PRDM16: variants seen among roughly 807,000 people sequenced by gnomAD.
PRDM16 encodes the protein histone-lysine N-methyltransferase PRDM16.
In PRDM16, 23 loss-of-function variants were observed where a neutral mutation model predicts 110.6. That is an observed-to-expected ratio of 0.21 (90% confidence interval 0.15 to 0.29). PRDM16 has a LOEUF of 0.29. PRDM16 is among the 10% of genes least tolerant of loss of function. The pLI is 1.00. For synonymous variants in PRDM16, 799 were observed against 781.8 expected, an observed-to-expected ratio of 1.02 and a Z score of -0.37; for missense variants, 1,615 against 1,794.3, an observed-to-expected ratio of 0.90 and a Z score of 1.81.
chr1:3,338,082 C>T (rs114254884), intron 3 of PRDM16, among the ~76,000 whole-genome samples: 1,534 of 152,324 alleles, frequency 0.01, 16 homozygotes, highest in African/African-American at 0.034. Flanking sequence ...CATGCACACA[C>T]GTGTGCACAC....
intron 3 of PRDM16, among the ~76,000 whole-genome samples, chr1:3,272,237 G>T (rs72632136): frequency 6.6e-6 from 1 of 152,224 alleles, no homozygotes; most frequent in African/African-American, 2.4e-5. Context: ...GGGGACAGGC[G>T]TGTGGTGAGA....
intron 3 of PRDM16, among the ~76,000 whole-genome samples, chr1:3,376,858 C>A (rs932731433): frequency 1.1e-4 from 17 of 152,108 alleles, no homozygotes; most frequent in African/African-American, 3.4e-4. Flanking sequence ...TGGTGTGGCC[C>A]CATCCCACCA....
At position 3,390,194 on chromosome 1, in the gene PRDM16, GCTTT is replaced by G. The variant is rs1643274983; in HGVS notation, c.573+4911_573+4914del. Among the ~76,000 whole-genome samples the G allele has an allele frequency of 6.6e-6, 1 of 152,294 alleles. No homozygotes were observed. Among genetic ancestry groups the G allele is most frequent in the East Asian group, 1.9e-4 (1 of 5,174 alleles). On this transcript the variant is annotated intron_variant, in intron 4 of 16. Coordinates refer to ENST00000270722, the MANE Select transcript of PRDM16 (RefSeq NM_022114.4). The surrounding 1 kb of genome is among the most constrained non-coding windows in gnomAD (Gnocchi z 5.0). ...GCAGGGAGGAGCTGTCACAGCCGGC[GCTTT>G]CTGTTTTTTGGTTTATCTTTTTCTC...
Position 3,209,397 on chromosome 1 carries a change from C to T in PRDM16, c.387+22923C>T, listed in dbSNP as rs56154627. 0.052 allele frequency among the ~76,000 whole-genome samples: 7,877 copies of T among 152,266 alleles called. 286 individuals carry two copies. Among genetic ancestry groups the T allele is most frequent in the Non-Finnish European group, 0.073 (4,962 of 68,010 alleles). ...CACACCTGCCCCGAGTCACCTGGGA[C>T]GGACTGCAGCCAGCCAGCTCTCCCT... On this transcript the variant is annotated intron_variant, in intron 2 of 16. Coordinates refer to ENST00000270722, the MANE Select transcript of PRDM16 (RefSeq NM_022114.4). This position sits in a 1 kb window ranked among gnomAD's most constrained non-coding sequence, Gnocchi z 4.6.
intron 3 of PRDM16, among the ~76,000 whole-genome samples, chr1:3,318,802 G>A (rs1396141986): frequency 4.6e-5 from 7 of 152,150 alleles, no homozygotes; most frequent in Non-Finnish European, 1.0e-4. Context: ...AAAAAGGAGG[G>A]CTTTTCCCCC....
chr1:3,106,254 C>A (rs576539386), intron 1 of PRDM16, among the ~76,000 whole-genome samples: 1 of 152,322 alleles, frequency 6.6e-6, no homozygotes, highest in South Asian at 2.1e-4. Context: ...GCAGGCAGTT[C>A]TTTGGATGCG....
At chr1:3,274,298 A>G (rs1640533040) in intron 3 of PRDM16, among the ~76,000 whole-genome samples, 1 of 152,192 alleles carries the variant, frequency 6.6e-6, no homozygotes, top group Non-Finnish European at 1.5e-5. Flanking sequence ...GCCTCCATTA[A>G]TCTTGGGTTA....
intron 3 of PRDM16, among the ~76,000 whole-genome samples, chr1:3,252,754 C>T (rs1027524204): frequency 3.3e-5 from 5 of 152,220 alleles, no homozygotes; most frequent in African/African-American, 7.2e-5. Flanking sequence ...CCCACAGCTG[C>T]GTGGACCGTG....
Position 3,411,498 on chromosome 1 carries a change from C to T in PRDM16, c.1301C>T (p.Thr434Ile). Residue 434 changes from threonine to isoleucine, a missense_variant, in exon 9 of 17, where the codon ACT (threonine) becomes ATT (isoleucine). This residue lies in a region of PRDM16 where 772 missense variants were observed against 748.3 expected (regional missense o/e 1.03). Coordinates refer to ENST00000270722, the MANE Select transcript of PRDM16 (RefSeq NM_022114.4). The part of the protein sequence containing the change: ...KCKDCGQMFS[T>I]TSSLNKHRRF... ...AAGGACTGTGGCCAGATGTTCAGCA[C>T]TACCTCCTCCCTCAACAAGCACCGG... 1 of 1,614,228 alleles carries T rather than the reference C, an allele frequency of 6.2e-7. No homozygotes were observed. The highest frequency in any genetic ancestry group is 1.1e-5 in the South Asian group (1 of 91,088).
At chr1:3,122,181 G>T (rs2100664332) in intron 1 of PRDM16, among the ~76,000 whole-genome samples, 1 of 152,256 alleles carries the variant, frequency 6.6e-6, no homozygotes, top group South Asian at 2.1e-4. Context: ...GGAAGCTTCC[G>T]CCTGCGCACT....
chr1:3,421,467 G>A (rs1377243142), intron 12 of PRDM16, among the ~76,000 whole-genome samples: 4 of 152,172 alleles, frequency 2.6e-5, no homozygotes, highest in Admixed American at 1.3e-4. Context: ...TTCACTGGCC[G>A]CTTGTCAGCT....
At chr1:3,348,194 C>T (rs1642402964) in intron 3 of PRDM16, among the ~76,000 whole-genome samples, 1 of 152,168 alleles carries the variant, frequency 6.6e-6, no homozygotes, top group Non-Finnish European at 1.5e-5. Flanking sequence ...CCTCTGGGCC[C>T]CTGAACAGTT....
At chr1:3,120,751 T>C (rs1014282163) in intron 1 of PRDM16, among the ~76,000 whole-genome samples, 23 of 152,076 alleles carry the variant, frequency 1.5e-4, no homozygotes, top group African/African-American at 5.5e-4. Context: ...CTCGTGGGAG[T>C]GACCCCAGCC....
chr1:3,338,160 G>T (rs1367438053), intron 3 of PRDM16, among the ~76,000 whole-genome samples: 2 of 152,238 alleles, frequency 1.3e-5, no homozygotes, highest in Non-Finnish European at 2.9e-5. Flanking sequence ...TCCTTCCAGA[G>T]AAACAGGCGC....
chr1:3,422,060 G>A (rs1202582590), intron 12 of PRDM16, among the ~76,000 whole-genome samples: 1 of 151,212 alleles, frequency 6.6e-6, no homozygotes, highest in Non-Finnish European at 1.5e-5. Context: ...GGACAGACAG[G>A]CAGACAGACA....
At chr1:3,224,402 C>T (rs888042704) in intron 2 of PRDM16, among the ~76,000 whole-genome samples, 6 of 152,230 alleles carry the variant, frequency 3.9e-5, no homozygotes, top group Middle Eastern at 3.4e-3. Flanking sequence ...CTGGAGGCCC[C>T]GGTGCGCCCC....
chr1:3,372,278 A>C (rs1642920005), intron 3 of PRDM16, among the ~76,000 whole-genome samples: 1 of 152,254 alleles, frequency 6.6e-6, no homozygotes, highest in Non-Finnish European at 1.5e-5. Context: ...GGCTTGCCCC[A>C]AAGGCCCTGC....
chr1:3,156,892 G>A (rs999496058), intron 1 of PRDM16, among the ~76,000 whole-genome samples: 9 of 152,356 alleles, frequency 5.9e-5, no homozygotes, highest in Non-Finnish European at 8.8e-5. Flanking sequence ...AGGTGGGGGC[G>A]TCAGCTCTGG....
Position 3,417,842 on chromosome 1 carries a change from G to T in PRDM16, c.2706G>T (p.Glu902Asp). ...TATGCCTACAGATGTCAGCCATAGA[G>T]ACCATGACAGAGAAGCTGGAGAGCT... The part of the protein sequence containing the change: ...LLFHPQMSAI[E>D]TMTEKLESFA... The change falls in exon 11 of 17, where the codon GAG becomes GAT. Residue 902 changes from glutamate (E) to aspartate (D), a missense_variant. Physicochemically the swap from Glu to Asp is conservative, Grantham distance 45. Around this residue, in one of 5 missense-constraint regions of PRDM16, gnomAD observed 772 missense variants for 748.3 expected, o/e 1.03. Transcript: ENST00000270722. The T allele has an allele frequency of 6.2e-7, 1 of 1,613,870 alleles. No homozygotes were observed. The highest frequency in any genetic ancestry group is 2.2e-5 in the East Asian group (1 of 44,876).
Sources: gnomAD v4.1 joint callset for allele counts (sites outside exome capture counted in the v4.1 genomes callset) on GRCh38, gnomAD v4.1.1 for gene constraint, gnomAD v4.1.1 regional missense constraint, Gnocchi (gnomAD v3.1) non-coding constraint, MANE v1.5 for transcripts, NCBI Gene and HGNC (gene_info 2026-07-23, HGNC 2026-07-21) for gene names.